FLT1: variants seen among roughly 807,000 people sequenced by gnomAD.
The protein encoded by FLT1 is fms related receptor tyrosine kinase 1.
Under a neutral mutation model 156.3 loss-of-function variants are expected in FLT1, and 49 were observed. The observed-to-expected ratio is 0.31, with a 90% CI of 0.25 to 0.40. The LOEUF is 0.40. Among genes scored for constraint, FLT1 ranks in the 10% least tolerant of loss-of-function variants. The pLI, the probability that FLT1 is intolerant of heterozygous loss-of-function variation, is 1.00. For synonymous variants in FLT1, 594 were observed against 583.8 expected (o/e 1.02, Z -0.25); for missense variants, 1,322 against 1,637.2 (o/e 0.81, Z 3.32).
At chr13:28,381,279 C>T (rs760251432) in intron 14 of FLT1, among the ~76,000 whole-genome samples, 1 of 152,128 alleles carries the variant, frequency 6.6e-6, no homozygotes, top group Non-Finnish European at 1.5e-5. Context: ...ACAGTTGGCC[C>T]TGTGCGGTGG....
intron 13 of FLT1, chr13:28,385,485 G>A: frequency 5.0e-6 from 5 of 1,007,794 alleles, no homozygotes; most frequent in Non-Finnish European, 5.9e-6. Flanking sequence ...ATTTGTGGGG[G>A]CGTGTTTGTG....
chr13:28,447,011 A>G (rs780295398), intron 3 of FLT1, among the ~76,000 whole-genome samples: 2 of 152,054 alleles, frequency 1.3e-5, no homozygotes, highest in Admixed American at 1.3e-4. Flanking sequence ...TTTCAAGGAG[A>G]CCATTCAGTG....
At chr13:28,456,357 A>AT (rs1229356334) in intron 3 of FLT1, among the ~76,000 whole-genome samples, 1 of 152,026 alleles carries the variant, frequency 6.6e-6, no homozygotes, top group African/African-American at 2.4e-5. Context: ...AATAAAAAGA[A>AT]ATTAGATATT....
At chr13:28,471,317 A>G (rs1373579556) in intron 1 of FLT1, among the ~76,000 whole-genome samples, 1 of 152,208 alleles carries the variant, frequency 6.6e-6, no homozygotes, top group African/African-American at 2.4e-5. Context: ...AATCTCATAA[A>G]GGTTATTGGA....
intron 15 of FLT1, among the ~76,000 whole-genome samples, chr13:28,353,406 C>G (rs1297132624): frequency 6.6e-6 from 1 of 151,850 alleles, no homozygotes; most frequent in African/African-American, 2.4e-5. Context: ...GACCCCGTCT[C>G]TACTAAAAAT....
chr13:28,420,800 C>T (rs1876956940), intron 10 of FLT1, among the ~76,000 whole-genome samples: 1 of 152,056 alleles, frequency 6.6e-6, no homozygotes, highest in Non-Finnish European at 1.5e-5. Flanking sequence ...TTTTACATAC[C>T]CCACTGATGC....
chr13:28,367,446 T>G (rs1439472847), intron 14 of FLT1, among the ~76,000 whole-genome samples: 2 of 152,180 alleles, frequency 1.3e-5, no homozygotes, highest in Non-Finnish European at 2.9e-5. Context: ...TCATGGGATG[T>G]GGTCTAAATT....
chr13:28,433,589 C>T (rs1359494726), intron 6 of FLT1, among the ~76,000 whole-genome samples: 1 of 152,174 alleles, frequency 6.6e-6, no homozygotes, highest in Non-Finnish European at 1.5e-5. Flanking sequence ...AAATACCAGT[C>T]TACACTCTTC....
At chr13:28,327,740 G>T (rs78006019) in intron 19 of FLT1, among the ~76,000 whole-genome samples, 190 bp from the exon 20 acceptor site, 1,486 of 75,628 alleles carry the variant, frequency 0.02, 31 homozygotes, top group African/African-American at 0.085. Flanking sequence ...GGGGTTTAAA[G>T]AATACAATTG....
At chr13:28,378,490 C>T (rs571334679) in intron 14 of FLT1, among the ~76,000 whole-genome samples, 4 of 152,314 alleles carry the variant, frequency 2.6e-5, no homozygotes, top group South Asian at 2.1e-4. Flanking sequence ...ATGCTCAATG[C>T]TAAATGCCCA....
Position 28,322,736 on chromosome 13 carries a change from T to C in FLT1, c.2953+54A>G. On this transcript the variant is annotated intron_variant, in intron 21 of 29. Coordinates refer to ENST00000282397, the MANE Select transcript of FLT1 (RefSeq NM_002019.4). This position sits in a 1 kb window ranked among gnomAD's most constrained non-coding sequence, Gnocchi z 4.3. ...ATAAGAAAAAAATTTCAGAGATGCA[T>C]AGTATGTTGTAAAAATATCTCAGCG... 6.5e-7 allele frequency: 1 copy of C among 1,548,578 alleles called. No individual in the cohort carries two copies. Among genetic ancestry groups the C allele is most frequent in the East Asian group, 2.2e-5 (1 of 44,592 alleles).
intron 1 of FLT1, among the ~76,000 whole-genome samples, chr13:28,489,928 A>G (rs1390461821): frequency 6.6e-6 from 1 of 152,244 alleles, no homozygotes; most frequent in African/African-American, 2.4e-5. Flanking sequence ...CGTTAAGAAA[A>G]TAGAAGAAAA....
intron 9 of FLT1, 102 bp from the exon 10 acceptor site, chr13:28,427,420 GGGAAACAAACA>G: frequency 9.0e-7 from 1 of 1,107,710 alleles, no homozygotes; most frequent in Non-Finnish European, 1.4e-6. Flanking sequence ...TTTGATGTCA[GGGAAACAAACA>G]AGAAACAAAA....
intron 14 of FLT1, among the ~76,000 whole-genome samples, chr13:28,366,107 G>A (rs746309235): frequency 1.3e-5 from 2 of 151,554 alleles, no homozygotes; most frequent in Non-Finnish European, 2.9e-5. Context: ...GCAGAAATTT[G>A]AATTTTTTTT....
chr13:28,313,622 C>T (rs930141338), intron 25 of FLT1, among the ~76,000 whole-genome samples: 1 of 152,146 alleles, frequency 6.6e-6, no homozygotes, highest in Non-Finnish European at 1.5e-5. Flanking sequence ...TAAATATCTG[C>T]TAAAAGAAGT....
intron 7 of FLT1, 69 bp downstream of exon 7, chr13:28,431,067 T>C: frequency 7.3e-7 from 1 of 1,374,942 alleles, no homozygotes; most frequent in Non-Finnish European, 1.0e-6. Flanking sequence ...ACTGACTTAT[T>C]TAGAGAACAC....
chr13:28,417,059 T>A (rs1165392111), intron 10 of FLT1, among the ~76,000 whole-genome samples: 1 of 151,982 alleles, frequency 6.6e-6, no homozygotes, highest in Non-Finnish European at 1.5e-5. Context: ...AGACCACCAA[T>A]AATAAGTCTG....
intron 1 of FLT1, among the ~76,000 whole-genome samples, chr13:28,483,152 A>G (rs1221795727): frequency 6.6e-6 from 1 of 152,234 alleles, no homozygotes; most frequent in Non-Finnish European, 1.5e-5. Context: ...CTAGCAGGAG[A>G]CATTAAGTGG....
At chr13:28,389,703 A>C in intron 13 of FLT1, 93 bp downstream of exon 13, 1 of 1,599,902 alleles carries the variant, frequency 6.3e-7, no homozygotes. Context: ...TGAGTCCTTT[A>C]ATGTTTTACA....
Sources: allele counts gnomAD v4.1 joint callset (sites outside exome capture counted in the v4.1 genomes callset), GRCh38; gene constraint gnomAD v4.1.1; non-coding constraint Gnocchi (gnomAD v3.1); transcripts MANE v1.5; gene names NCBI Gene and HGNC (gene_info 2026-07-23, HGNC 2026-07-21).